SH3GL2: variants seen among roughly 807,000 people sequenced by gnomAD.
The protein encoded by SH3GL2 is endophilin-A1.
SH3GL2 carries 24 observed loss-of-function variants against 46.0 expected under a neutral mutation model. The ratio of observed to expected loss-of-function variants is 0.52; its 90% CI spans 0.38 to 0.73. SH3GL2 has a LOEUF of 0.73. Ranked by LOEUF, SH3GL2 falls within the 30% of genes least tolerant of loss-of-function variation. The pLI is 0.00. For synonymous variants in SH3GL2, 196 were observed against 147.1 expected (o/e 1.33, Z -2.40); for missense variants, 413 against 424.2 (o/e 0.97, Z 0.23).
chr9:17,605,991 C>T (rs1818753363), intron 1 of SH3GL2, among the ~76,000 whole-genome samples: 1 of 152,140 alleles, frequency 6.6e-6, no homozygotes, highest in South Asian at 2.1e-4. Flanking sequence ...TATGCTTGAG[C>T]ACATGATCCC....
At position 17,628,711 on chromosome 9, in the gene SH3GL2, T is replaced by C. The variant is rs574141740; in HGVS notation, c.45+49424T>C. On this transcript the variant is annotated intron_variant, in intron 1 of 8. Transcript: ENST00000380607. ...TTAATTTCAACCAAAAAGTTCTGGG[T>C]AGATTTTTTTCTAGCTCAAGGGAGA... Among the ~76,000 whole-genome samples the C allele has an allele frequency of 2.0e-4, 30 of 152,176 alleles. No individual in the cohort carries two copies. In the East Asian group the frequency reaches 5.8e-3, roughly 29 times the overall value.
intron 1 of SH3GL2, among the ~76,000 whole-genome samples, chr9:17,709,003 T>A (rs138134808): frequency 6.6e-6 from 1 of 152,158 alleles, no homozygotes; most frequent in African/African-American, 2.4e-5. Context: ...TGTTCAGCAA[T>A]TGATTTTGTT....
chr9:17,632,904 T>A (rs1018031274), intron 1 of SH3GL2, among the ~76,000 whole-genome samples: 1 of 152,222 alleles, frequency 6.6e-6, no homozygotes, highest in Non-Finnish European at 1.5e-5. Flanking sequence ...TTGTGGTGTT[T>A]TATTACTTGA....
intron 1 of SH3GL2, among the ~76,000 whole-genome samples, chr9:17,660,323 G>A (rs1389179595): frequency 6.6e-6 from 1 of 152,168 alleles, no homozygotes; most frequent in Non-Finnish European, 1.5e-5. Context: ...TCCTCAAGCT[G>A]TGTGTCTGTG....
chr9:17,644,628 C>T (rs903279243), intron 1 of SH3GL2, among the ~76,000 whole-genome samples: 13 of 152,028 alleles, frequency 8.6e-5, no homozygotes, highest in South Asian at 2.1e-4. Flanking sequence ...TGTAGTCGTG[C>T]GGTTTTGAGT....
At chr9:17,642,239 CTTG>C (rs1819702954) in intron 1 of SH3GL2, among the ~76,000 whole-genome samples, 1 of 151,958 alleles carries the variant, frequency 6.6e-6, no homozygotes, top group Non-Finnish European at 1.5e-5. Flanking sequence ...GTTTAAGTTC[CTTG>C]TTGATTATGG....
At chr9:17,679,837 A>G (rs1820721173) in intron 1 of SH3GL2, among the ~76,000 whole-genome samples, 2 of 152,180 alleles carry the variant, frequency 1.3e-5, no homozygotes, top group African/African-American at 4.8e-5. Flanking sequence ...TTTTAGCATG[A>G]AGGGCTGTTG....
At chr9:17,624,745 C>G (rs779654180) in intron 1 of SH3GL2, among the ~76,000 whole-genome samples, 31 of 152,180 alleles carry the variant, frequency 2.0e-4, no homozygotes. Flanking sequence ...TGTATATACT[C>G]TAGCCCTGGA....
chr9:17,757,405 A>G (rs1475712685), intron 2 of SH3GL2, among the ~76,000 whole-genome samples: 1 of 152,190 alleles, frequency 6.6e-6, no homozygotes, highest in South Asian at 2.1e-4. Context: ...TTTGCAATCT[A>G]TTCATCTGAC....
chr9:17,630,410 G>T (rs912375723), intron 1 of SH3GL2: 2 of 152,188 alleles, frequency 1.3e-5, no homozygotes, highest in African/African-American at 4.8e-5. Context: ...GATACTTCTG[G>T]ATACGGCTCT....
intron 1 of SH3GL2, among the ~76,000 whole-genome samples, chr9:17,622,960 C>T (rs7033467): frequency 0.16 from 24,730 of 150,530 alleles, 2,185 homozygotes; most frequent in Middle Eastern, 0.23. Flanking sequence ...TCCCTTCCTC[C>T]CTCCCTTTTC....
chr9:17,787,606 T>G, intron 5 of SH3GL2, 93 bp downstream of exon 5: 1 of 1,030,326 alleles, frequency 9.7e-7, no homozygotes, highest in Non-Finnish European at 1.4e-6. Context: ...TAGCTTACCC[T>G]GTGTGTTGTC....
chr9:17,585,356 A>C (rs1247983879), intron 1 of SH3GL2, among the ~76,000 whole-genome samples: 1 of 152,166 alleles, frequency 6.6e-6, no homozygotes, highest in Non-Finnish European at 1.5e-5. Context: ...GGGAGATGCT[A>C]AGTAGGTAAG....
rs537496870 is a variant in SH3GL2, at chr9:17,706,425, CCT to C, written c.46-40637_46-40636del. 2.2e-4 allele frequency among the ~76,000 whole-genome samples: 33 copies of C among 152,208 alleles called. 2 individuals carry two copies. The South Asian group carries it at 6.8e-3, about 32-fold the overall frequency. On this transcript the variant is annotated intron_variant, in intron 1 of 8. Transcript: ENST00000380607. ...AGCACCTCTTCATGAACTTTCCTGT[CCT>C]CTCAGTTGTACCAGGCTTTTGATTC...
intron 1 of SH3GL2, among the ~76,000 whole-genome samples, chr9:17,620,191 G>C (rs947473745): frequency 1.3e-5 from 2 of 152,140 alleles, no homozygotes; most frequent in African/African-American, 4.8e-5. Flanking sequence ...AATAAGGATA[G>C]TGCAGCATTA....
intron 1 of SH3GL2, among the ~76,000 whole-genome samples, chr9:17,720,910 G>A (rs1019692022): frequency 2.0e-5 from 3 of 152,142 alleles, no homozygotes; most frequent in Non-Finnish European, 4.4e-5. Context: ...GGTCACTACA[G>A]TGGCTTTCCA....
chr9:17,738,641 T>TATATATAGAG (rs376280314), intron 1 of SH3GL2, among the ~76,000 whole-genome samples: 1,795 of 88,822 alleles, frequency 0.02, 66 homozygotes, highest in East Asian at 0.034. Context: ...TATATATATA[T>TATATATAGAG]AGAGAGAGAG....
At chr9:17,713,078 T>C (rs911368729) in intron 1 of SH3GL2, among the ~76,000 whole-genome samples, 1 of 151,562 alleles carries the variant, frequency 6.6e-6, no homozygotes, top group Non-Finnish European at 1.5e-5. Flanking sequence ...GCTGGGTTTT[T>C]TTTTTTAAAT....
intron 1 of SH3GL2, among the ~76,000 whole-genome samples, chr9:17,734,347 T>C (rs1270426926): frequency 6.6e-6 from 1 of 152,108 alleles, no homozygotes; most frequent in African/African-American, 2.4e-5. Context: ...ACAGGACAAA[T>C]ATTGATGCTC....
Sources: allele counts gnomAD v4.1 joint callset (sites outside exome capture counted in the v4.1 genomes callset), GRCh38; gene constraint gnomAD v4.1.1; transcripts MANE v1.5; gene names NCBI Gene and HGNC (gene_info 2026-07-23, HGNC 2026-07-21).